The following GRID2 variants were observed in gnomAD, a reference collection of about 807,000 sequenced individuals.
GRID2 encodes glutamate ionotropic receptor delta type subunit 2.
A neutral mutation model predicts 114.8 loss-of-function variants in GRID2; 33 were observed. The observed-to-expected ratio is 0.29, with a 90% CI of 0.22 to 0.38. GRID2 has a LOEUF of 0.38. Ranked by LOEUF, GRID2 falls within the 10% of genes least tolerant of loss-of-function variation. The pLI is 1.00. For synonymous variants in GRID2, 505 were observed against 449.9 expected, an observed-to-expected ratio of 1.12 and a Z score of -1.55; for missense variants, 1,184 against 1,257.7, an observed-to-expected ratio of 0.94 and a Z score of 0.89.
chr4:93,032,997 T>G lies in GRID2; in HGVS notation c.245-51998T>G, dbSNP rs568515037. On this transcript the variant is annotated intron_variant, in intron 2 of 15. Transcript: ENST00000282020. Reference sequence around the variant, plus strand: ...CTGTTAATTGACATCAAGAAAATCCTTACAACTTGTGTCAAATGACATAAA... The same window carrying G: ...CTGTTAATTGACATCAAGAAAATCCGTACAACTTGTGTCAAATGACATAAA... Among the ~76,000 whole-genome samples, 14 of 152,334 alleles carry G rather than the reference T, an allele frequency of 9.2e-5. No individual in the cohort carries two copies. The South Asian group carries it at 1.7e-3, about 18-fold the overall frequency.
chr4:93,003,246 A>G (rs1721186151), intron 2 of GRID2, among the ~76,000 whole-genome samples: 1 of 151,992 alleles, frequency 6.6e-6, no homozygotes, highest in Non-Finnish European at 1.5e-5. Flanking sequence ...TTATTCTCAA[A>G]GGGCAGATTT....
intron 1 of GRID2, among the ~76,000 whole-genome samples, chr4:92,317,053 A>T (rs1408472492): frequency 1.3e-5 from 2 of 152,202 alleles, no homozygotes; most frequent in Non-Finnish European, 2.9e-5. Flanking sequence ...TAATTAAGCT[A>T]ATGAGATCTT....
chr4:93,242,487 A>G (rs1245438139), intron 8 of GRID2, among the ~76,000 whole-genome samples: 1 of 152,026 alleles, frequency 6.6e-6, no homozygotes, highest in African/African-American at 2.4e-5. Flanking sequence ...TTTGTGTTTG[A>G]TAGCAGTACA....
intron 2 of GRID2, among the ~76,000 whole-genome samples, chr4:93,006,128 C>G (rs1426401681): frequency 2.0e-5 from 3 of 152,038 alleles, no homozygotes; most frequent in Non-Finnish European, 4.4e-5. Flanking sequence ...ACAGACATCT[C>G]TAAAAACCAT....
intron 13 of GRID2, among the ~76,000 whole-genome samples, chr4:93,608,296 C>CTTTTTTTTTTT (rs774334616): frequency 8.5e-6 from 1 of 117,016 alleles, no homozygotes; most frequent in Non-Finnish European, 1.7e-5. Context: ...ATTTTTTTTT[C>CTTTTTTTTTTT]TTTTTTTTTT....
At chr4:92,975,062 C>T (rs889427704) in intron 2 of GRID2, among the ~76,000 whole-genome samples, 1 of 148,096 alleles carries the variant, frequency 6.8e-6, no homozygotes, top group African/African-American at 2.5e-5. Context: ...GAGGCTGAGG[C>T]AGGAGAATGG....
chr4:93,798,362 C>A (rs879573228), intron 1 of GRID2, among the ~76,000 whole-genome samples: 8 of 151,968 alleles, frequency 5.3e-5, no homozygotes, highest in Admixed American at 5.2e-4. Flanking sequence ...GAGACTCTCC[C>A]TTCAGCCTAG....
At chr4:92,859,933 C>T (rs547041800) in intron 2 of GRID2, among the ~76,000 whole-genome samples, 1 of 152,028 alleles carries the variant, frequency 6.6e-6, no homozygotes, top group Non-Finnish European at 1.5e-5. Flanking sequence ...CATTAGCACC[C>T]CTCTAGTCAT....
chr4:92,532,981 G>A (rs1175933935), intron 1 of GRID2, among the ~76,000 whole-genome samples: 3 of 151,986 alleles, frequency 2.0e-5, no homozygotes, highest in African/African-American at 7.3e-5. Context: ...CAGCTACTTG[G>A]GAGGCTTGCT....
At chr4:93,305,483 G>T (rs1445378145) in intron 8 of GRID2, among the ~76,000 whole-genome samples, 2 of 152,250 alleles carry the variant, frequency 1.3e-5, no homozygotes, top group Non-Finnish European at 2.9e-5. Context: ...ATGATGCTTA[G>T]GGTAGAGTAA....
At chr4:92,444,331 G>T (rs533250073) in intron 1 of GRID2, among the ~76,000 whole-genome samples, 1 of 151,948 alleles carries the variant, frequency 6.6e-6, no homozygotes, top group Non-Finnish European at 1.5e-5. Context: ...GGGTGGGGCC[G>T]TTTTATAGGA....
At chr4:92,439,611 A>T (rs557468438) in intron 1 of GRID2, among the ~76,000 whole-genome samples, 3 of 125,378 alleles carry the variant, frequency 2.4e-5, no homozygotes, top group African/African-American at 7.7e-5. Flanking sequence ...TATTGTGGGG[A>T]TGTAAGAAGA....
chr4:92,953,443 A>T (rs1752168891), intron 2 of GRID2, among the ~76,000 whole-genome samples: 1 of 152,100 alleles, frequency 6.6e-6, no homozygotes, highest in African/African-American at 2.4e-5. Context: ...AATTCTAAAA[A>T]CTTTCTTCAA....
At chr4:93,521,357 A>C (rs905462844) in intron 13 of GRID2, among the ~76,000 whole-genome samples, 1 of 152,170 alleles carries the variant, frequency 6.6e-6, no homozygotes, top group African/African-American at 2.4e-5. Flanking sequence ...ACAATTTAAT[A>C]TTTAGAGGAG....
intron 14 of GRID2, among the ~76,000 whole-genome samples, chr4:93,680,833 G>A (rs1336870810): frequency 1.3e-5 from 2 of 152,062 alleles, no homozygotes; most frequent in African/African-American, 2.4e-5. Context: ...ATACTGAATG[G>A]GCAAAAACTG....
chr4:93,235,807 C>A (rs1403813034), intron 7 of GRID2, among the ~76,000 whole-genome samples: 1 of 151,976 alleles, frequency 6.6e-6, no homozygotes, highest in Non-Finnish European at 1.5e-5. Context: ...CTAAGTCATT[C>A]AGTGGAAGAT....
intron 14 of GRID2, among the ~76,000 whole-genome samples, chr4:93,645,195 G>A (rs974715561): frequency 2.0e-5 from 3 of 152,148 alleles, no homozygotes; most frequent in African/African-American, 4.8e-5. Context: ...AGAAATCAAC[G>A]GAAAGAGGGG....
chr4:92,813,873 G>C (rs568953409), intron 2 of GRID2, among the ~76,000 whole-genome samples: 3 of 152,064 alleles, frequency 2.0e-5, no homozygotes, highest in Non-Finnish European at 4.4e-5. Context: ...CGCATTGAAA[G>C]ATTCTTTGGA....
intron 1 of GRID2, among the ~76,000 whole-genome samples, chr4:92,334,088 C>T (rs956359481): frequency 1.3e-5 from 2 of 152,124 alleles, no homozygotes; most frequent in Non-Finnish European, 2.9e-5. Context: ...AATCCTAGGG[C>T]CTGGACACAA....
Sources: gnomAD v4.1 joint callset for allele counts (sites outside exome capture counted in the v4.1 genomes callset) on GRCh38, gnomAD v4.1.1 for gene constraint, MANE v1.5 for transcripts, NCBI Gene and HGNC (gene_info 2026-07-23, HGNC 2026-07-21) for gene names.